The following NTM variants were observed in gnomAD, a reference collection of about 807,000 sequenced individuals.
NTM encodes IgLON family member 2.
NTM carries 13 observed loss-of-function variants against 42.1 expected under a neutral mutation model. The observed-to-expected ratio is 0.31, with a 90% CI of 0.20 to 0.49. The LOEUF is 0.49. Among genes scored for constraint, NTM ranks in the 20% least tolerant of loss-of-function variants. NTM has a pLI of 0.99. For missense variants in NTM, 373 were observed against 452.8 expected, an observed-to-expected ratio of 0.82 and a Z score of 1.60; for synonymous variants, 187 against 179.2, an observed-to-expected ratio of 1.04 and a Z score of -0.35.
At chr11:132,332,639 G>A (rs1366541646) in intron 8 of NTM, 2 of 152,278 alleles carry the variant, frequency 1.3e-5, no homozygotes, top group Non-Finnish European at 2.9e-5. Context: ...GGCACCCAGG[G>A]AGAGCGCCTG....
chr11:131,651,537 G>A (rs769925794), intron 1 of NTM, among the ~76,000 whole-genome samples: 2 of 152,134 alleles, frequency 1.3e-5, no homozygotes, highest in Non-Finnish European at 2.9e-5. Context: ...TGTCTCCTAG[G>A]CTGGGGATAA....
At chr11:132,086,823 G>C (rs190082327) in intron 2 of NTM, among the ~76,000 whole-genome samples, 2 of 152,256 alleles carry the variant, frequency 1.3e-5, no homozygotes, top group East Asian at 3.9e-4. Context: ...CTCTTCCCCT[G>C]AGCTCAATTC....
At chr11:132,167,696 G>C (rs903822124) in intron 3 of NTM, among the ~76,000 whole-genome samples, 1 of 152,146 alleles carries the variant, frequency 6.6e-6, no homozygotes, top group Admixed American at 6.5e-5. Flanking sequence ...ATAATGTATT[G>C]TATTATACAT....
At chr11:132,217,327 CTTGTGCCTCTT>C (rs2084053574) in intron 4 of NTM, among the ~76,000 whole-genome samples, 3 of 151,192 alleles carry the variant, frequency 2.0e-5, no homozygotes, top group Admixed American at 6.6e-5. Context: ...CAGTTCCACT[CTTGTGCCTCTT>C]TCTCTCTCTC....
chr11:131,644,189 T>C lies in NTM; in HGVS notation c.83-267375T>C, dbSNP rs1042235767. 1.4e-4 allele frequency among the ~76,000 whole-genome samples: 22 copies of C among 152,112 alleles called. 1 individual carries two copies. The highest frequency in any genetic ancestry group is 1.0e-3 in the Admixed American group (16 of 15,280). On this transcript the variant is annotated intron_variant, in intron 1 of 8. Transcript: ENST00000683400. ...CTCTCTGCCTCCTAGCTGAGACTGATACTGTCATTAGGGGAGGAGCAAAGA... is the reference window on the plus strand; with the variant it reads ...CTCTCTGCCTCCTAGCTGAGACTGACACTGTCATTAGGGGAGGAGCAAAGA...
intron 3 of NTM, among the ~76,000 whole-genome samples, chr11:132,168,583 G>C (rs1591973198): frequency 6.6e-6 from 1 of 152,204 alleles, no homozygotes; most frequent in Admixed American, 6.5e-5. Context: ...AAACAGTGCA[G>C]CAGCCTCATC....
chr11:131,834,138 T>C (rs534681623), intron 1 of NTM, among the ~76,000 whole-genome samples: 10 of 152,050 alleles, frequency 6.6e-5, no homozygotes, highest in Non-Finnish European at 1.2e-4. Flanking sequence ...TTGGCCTCTG[T>C]TTAGTCTCTG....
intron 1 of NTM, among the ~76,000 whole-genome samples, chr11:131,810,473 G>T (rs1445759143): frequency 6.6e-6 from 1 of 152,190 alleles, no homozygotes; most frequent in Non-Finnish European, 1.5e-5. Flanking sequence ...GACTCTGGTA[G>T]ATGAATGAGA....
intron 1 of NTM, among the ~76,000 whole-genome samples, chr11:131,859,095 C>T (rs1417383412): frequency 1.3e-5 from 2 of 152,158 alleles, no homozygotes; most frequent in African/African-American, 4.8e-5. Context: ...TCCATCCATC[C>T]GTCCATCCAT....
At chr11:131,958,674 G>A (rs1467496538) in intron 2 of NTM, among the ~76,000 whole-genome samples, 1 of 152,154 alleles carries the variant, frequency 6.6e-6, no homozygotes, top group Non-Finnish European at 1.5e-5. Context: ...GCTACGTTTT[G>A]TAATGTGAAG....
chr11:132,021,082 T>C (rs907099015), intron 2 of NTM, among the ~76,000 whole-genome samples: 1 of 152,244 alleles, frequency 6.6e-6, no homozygotes, highest in African/African-American at 2.4e-5. Flanking sequence ...TTCCCCTCTT[T>C]TTCCAACTGG....
At chr11:131,553,208 T>C (rs940761339) in intron 1 of NTM, among the ~76,000 whole-genome samples, 1 of 152,184 alleles carries the variant, frequency 6.6e-6, no homozygotes, top group Non-Finnish European at 1.5e-5. Context: ...GCTGGCAATA[T>C]TCTATTTCTT....
intron 2 of NTM, among the ~76,000 whole-genome samples, chr11:132,005,051 C>T (rs571919222): frequency 1.1e-4 from 17 of 152,214 alleles, no homozygotes; most frequent in African/African-American, 3.9e-4. Flanking sequence ...GTTGATGGCT[C>T]AGGATCAGTG....
In NTM at chr11:131,789,533, GAAGAAGAAGAAGA is replaced by G. The variant is rs1565551698; in HGVS notation, c.83-122028_83-122016del. ...AGAAGAAGAAGAAGAAGAAGAAGAA[GAAGAAGAAGAAGA>G]AAAGAAGAAGAAGAAGAAGAAGAAG... On this transcript the variant is annotated intron_variant, in intron 1 of 8. Coordinates refer to ENST00000683400, the MANE Select transcript of NTM (RefSeq NM_001352005.2). 5.4e-4 allele frequency among the ~76,000 whole-genome samples: 13 copies of G among 23,958 alleles called. 3 individuals are homozygous for G. Among genetic ancestry groups the G allele is most frequent in the African/African-American group, 2.2e-3 (9 of 4,022 alleles). The allele number at this position is 23,958 out of a possible 152,430, so 15.7% of individuals were successfully genotyped here.
chr11:131,758,334 A>G (rs1300766470), intron 1 of NTM, among the ~76,000 whole-genome samples: 2 of 150,958 alleles, frequency 1.3e-5, no homozygotes, highest in Non-Finnish European at 2.9e-5. Flanking sequence ...GCCATATTTC[A>G]TTTCTGGCAA....
chr11:132,016,634 G>A (rs1032895641), intron 2 of NTM, among the ~76,000 whole-genome samples: 1 of 151,912 alleles, frequency 6.6e-6, no homozygotes, highest in African/African-American at 2.4e-5. Flanking sequence ...GTGAACGTAT[G>A]TTTTCATTTA....
At position 131,744,617 on chromosome 11, in the gene NTM, GT is replaced by G. The variant is rs202026422; in HGVS notation, c.83-166939del. ...ATTGGATATGGGTTAGAAAATTAATGTTTTTTTTAAAAAAAAGATGAATTTC... is the reference window on the plus strand; with the variant it reads ...ATTGGATATGGGTTAGAAAATTAATGTTTTTTTAAAAAAAAGATGAATTTC... On this transcript the variant is annotated intron_variant, in intron 1 of 8. Coordinates refer to ENST00000683400, the MANE Select transcript of NTM (RefSeq NM_001352005.2). 3.3e-5 allele frequency among the ~76,000 whole-genome samples: 5 copies of G among 151,334 alleles called. No individual in the cohort carries two copies. In the East Asian group the frequency reaches 5.8e-4, roughly 18 times the overall value.
chr11:131,773,978 C>T (rs1186714002), intron 1 of NTM: 1 of 982,222 alleles, frequency 1.0e-6, no homozygotes, highest in Admixed American at 6.1e-5. Flanking sequence ...GTGTTAAGGA[C>T]CTCCAATTCC....
intron 8 of NTM, 44 bp downstream of exon 8, chr11:132,330,229 G>T (rs1022293998): frequency 2.6e-6 from 4 of 1,533,148 alleles, no homozygotes; most frequent in Non-Finnish European, 3.5e-6. Flanking sequence ...TGGGTGTGGG[G>T]TATGTAAAAC....
Sources: gnomAD v4.1 joint callset for allele counts (sites outside exome capture counted in the v4.1 genomes callset) on GRCh38, gnomAD v4.1.1 for gene constraint, MANE v1.5 for transcripts, NCBI Gene and HGNC (gene_info 2026-07-23, HGNC 2026-07-21) for gene names.